The following CADM1 variants were observed in gnomAD, a reference collection of about 807,000 sequenced individuals.
The protein encoded by CADM1 is TSLC-1.
CADM1 carries 15 observed loss-of-function variants against 53.1 expected under a neutral mutation model. That is an observed-to-expected ratio of 0.28 (90% CI 0.19 to 0.44). CADM1 has a LOEUF of 0.44. CADM1 is among the 20% of genes least tolerant of loss of function. CADM1 has a pLI of 1.00. For synonymous variants in CADM1, 281 were observed against 243.0 expected (o/e 1.16, Z -1.45); for missense variants, 434 against 611.3 (o/e 0.71, Z 3.06).
At chr11:115,504,228 C>T (rs1026773650) in intron 1 of CADM1, 43 bp downstream of exon 1, 3 of 1,560,184 alleles carry the variant, frequency 1.9e-6, no homozygotes, top group Admixed American at 1.9e-5. Flanking sequence ...TACTGGGGTG[C>T]CTTCGGAGAT....
rs1938979992 is a variant in CADM1 at position 115,175,382 on chromosome 11, A to T, written c.*1092T>A. The T allele has an allele frequency of 1.2e-5, 12 of 985,766 alleles. No homozygotes were observed. The highest frequency in any genetic ancestry group is 1.4e-5 in the Non-Finnish European group (12 of 829,928). The allele number at this position is 985,766 out of a possible 1,614,324, so 61.1% of individuals were successfully genotyped here. Reference sequence around the variant, plus strand: ...TCCTAACTAAGCACAAAGGAAAAAAAAAAAAAAATCAACTCTGTCCCATTC... The same window carrying T: ...TCCTAACTAAGCACAAAGGAAAAAATAAAAAAAATCAACTCTGTCCCATTC... On this transcript the variant is annotated 3_prime_UTR_variant, in exon 12 of 12. Coordinates refer to ENST00000331581, the MANE Select transcript of CADM1 (RefSeq NM_001301043.2).
At chr11:115,388,068 C>A (rs930022961) in intron 1 of CADM1, among the ~76,000 whole-genome samples, 1 of 151,990 alleles carries the variant, frequency 6.6e-6, no homozygotes, top group Non-Finnish European at 1.5e-5. Flanking sequence ...ATTAGAAGAA[C>A]ACAAGAGACA....
chr11:115,401,544 G>A (rs1188173994), intron 1 of CADM1, among the ~76,000 whole-genome samples: 1 of 151,962 alleles, frequency 6.6e-6, no homozygotes, highest in Non-Finnish European at 1.5e-5. Context: ...GGAGGCGGAG[G>A]TTGCAGCGAG....
At chr11:115,363,970 A>T (rs1946093520) in intron 1 of CADM1, among the ~76,000 whole-genome samples, 1 of 152,092 alleles carries the variant, frequency 6.6e-6, no homozygotes. Flanking sequence ...GTAGCCTAGG[A>T]GCAATAAGCT....
At chr11:115,268,790 A>G (rs1391523717) in intron 1 of CADM1, among the ~76,000 whole-genome samples, 1 of 152,196 alleles carries the variant, frequency 6.6e-6, no homozygotes, top group African/African-American at 2.4e-5. Context: ...CCCTCTTTAG[A>G]GTCAGTTACC....
chr11:115,416,514 C>T (rs1053130914), intron 1 of CADM1, among the ~76,000 whole-genome samples: 12 of 152,176 alleles, frequency 7.9e-5, no homozygotes, highest in African/African-American at 2.9e-4. Context: ...AGAACAAGCA[C>T]AGATAAAGCA....
intron 1 of CADM1, among the ~76,000 whole-genome samples, chr11:115,441,432 A>G (rs1380568768): frequency 1.3e-5 from 2 of 152,250 alleles, no homozygotes; most frequent in Non-Finnish European, 2.9e-5. Flanking sequence ...TACCCAAGAC[A>G]TTTAATAATG....
intron 1 of CADM1, among the ~76,000 whole-genome samples, chr11:115,411,178 G>A (rs1052452568): frequency 6.6e-6 from 1 of 152,032 alleles, no homozygotes; most frequent in African/African-American, 2.4e-5. Flanking sequence ...ACCTAATCAA[G>A]GAAAACTAGA....
chr11:115,414,218 G>A (rs1195684505), intron 1 of CADM1, among the ~76,000 whole-genome samples: 1 of 151,756 alleles, frequency 6.6e-6, no homozygotes, highest in Non-Finnish European at 1.5e-5. Flanking sequence ...GATAATTGCG[G>A]AGTAGAAAAA....
At chr11:115,317,526 G>A (rs1944700708) in intron 1 of CADM1, among the ~76,000 whole-genome samples, 1 of 152,174 alleles carries the variant, frequency 6.6e-6, no homozygotes, top group African/African-American at 2.4e-5. Flanking sequence ...GGAGACATAA[G>A]GAATGGCTTT....
At chr11:115,254,549 AACACACACACACACACACACAC>A (rs58261564) in intron 1 of CADM1, among the ~76,000 whole-genome samples, 4 of 134,896 alleles carry the variant, frequency 3.0e-5, no homozygotes, top group South Asian at 2.6e-4. Flanking sequence ...AAGGGAGACA[AACACACACACACACACACACAC>A]ACACACACAC....
At chr11:115,197,703 A>G (rs1458564503) in intron 9 of CADM1, among the ~76,000 whole-genome samples, 1 of 152,186 alleles carries the variant, frequency 6.6e-6, no homozygotes, top group Non-Finnish European at 1.5e-5. Context: ...CAAGCCACAC[A>G]CACACCAGTA....
intron 10 of CADM1, 89 bp from the exon 11 acceptor site, chr11:115,178,864 A>G: frequency 7.0e-7 from 1 of 1,434,930 alleles, no homozygotes; most frequent in Non-Finnish European, 9.7e-7. Context: ...TCAGAGGGTC[A>G]CCTTCTTTTT....
chr11:115,360,658 A>G (rs1946002438), intron 1 of CADM1, among the ~76,000 whole-genome samples: 1 of 152,238 alleles, frequency 6.6e-6, no homozygotes, highest in African/African-American at 2.4e-5. Flanking sequence ...GATGCACAGA[A>G]AGGAAACTGT....
intron 1 of CADM1, among the ~76,000 whole-genome samples, chr11:115,308,445 ATCTG>A (rs1220872671): frequency 2.0e-5 from 3 of 152,028 alleles, no homozygotes; most frequent in African/African-American, 7.2e-5. Flanking sequence ...TTAATTCTTT[ATCTG>A]TCTTTTTACT....
intron 1 of CADM1, chr11:115,241,013 G>A (rs1415636006): frequency 3.9e-5 from 6 of 153,884 alleles, no homozygotes; most frequent in Non-Finnish European, 8.7e-5. Context: ...TCTGCTCTCC[G>A]AAACTCACAC....
At chr11:115,255,770 G>A (rs1403709929) in intron 1 of CADM1, among the ~76,000 whole-genome samples, 1 of 152,166 alleles carries the variant, frequency 6.6e-6, no homozygotes, top group African/African-American at 2.4e-5. Flanking sequence ...AATTGATGTG[G>A]CTCATGGATA....
intron 3 of CADM1, among the ~76,000 whole-genome samples, chr11:115,233,595 C>G (rs2134871662): frequency 6.6e-6 from 1 of 151,546 alleles, no homozygotes; most frequent in Non-Finnish European, 1.5e-5. Context: ...ATTGTTAGAT[C>G]AAATGTCAGA....
intron 3 of CADM1, among the ~76,000 whole-genome samples, chr11:115,233,600 G>A (rs1478624352): frequency 6.6e-6 from 1 of 152,078 alleles, no homozygotes; most frequent in African/African-American, 2.4e-5. Context: ...TAGATCAAAT[G>A]TCAGAGGAAA....
Sources: gnomAD v4.1 joint callset for allele counts (sites outside exome capture counted in the v4.1 genomes callset) on GRCh38, gnomAD v4.1.1 for gene constraint, MANE v1.5 for transcripts, NCBI Gene and HGNC (gene_info 2026-07-23, HGNC 2026-07-21) for gene names.